The following CALN1 variants were observed in gnomAD, a reference collection of about 807,000 sequenced individuals.
The protein encoded by CALN1 is calcium-binding protein 8.
A neutral mutation model predicts 30.6 loss-of-function variants in CALN1; 17 were observed. The ratio of observed to expected loss-of-function variants is 0.56; its 90% CI spans 0.38 to 0.83. The LOEUF (loss-of-function observed/expected upper bound fraction) is 0.83. CALN1 is among the 40% of genes least tolerant of loss of function. The pLI, the probability that CALN1 is intolerant of heterozygous loss-of-function variation, is 0.00. For synonymous variants in CALN1, 156 were observed against 131.4 expected, an observed-to-expected ratio of 1.19 and a Z score of -1.28; for missense variants, 291 against 354.9, an observed-to-expected ratio of 0.82 and a Z score of 1.45.
intron 2 of CALN1, among the ~76,000 whole-genome samples, chr7:72,346,661 G>C (rs762915256): frequency 2.0e-5 from 3 of 151,990 alleles, no homozygotes; most frequent in Admixed American, 1.3e-4. Flanking sequence ...GGTTACAGGT[G>C]CCCACCACCA....
chr7:71,834,387 A>C lies in CALN1; in HGVS notation c.502-23895T>G, dbSNP rs112639940. On this transcript the variant is annotated intron_variant, in intron 5 of 6. Transcript: ENST00000395275. ...AAAAAAAAAAAAATCAGAAGACTTA[A>C]GTCAATTGAGCCCAGGCTGAGTGAA... 4.8e-3 allele frequency among the ~76,000 whole-genome samples: 715 copies of C among 150,440 alleles called. 8 individuals are homozygous for C. Among genetic ancestry groups the C allele is most frequent in the African/African-American group, 0.016 (634 of 40,552 alleles).
At chr7:72,355,476 G>T (rs1803170045) in intron 2 of CALN1, among the ~76,000 whole-genome samples, 1 of 151,998 alleles carries the variant, frequency 6.6e-6, no homozygotes, top group African/African-American at 2.4e-5. Flanking sequence ...CAGTGAGCCG[G>T]GATTACACCA....
intron 4 of CALN1, among the ~76,000 whole-genome samples, chr7:72,048,219 A>G (rs1376116967): frequency 6.6e-6 from 1 of 151,850 alleles, no homozygotes; most frequent in Non-Finnish European, 1.5e-5. Flanking sequence ...TTTGTATTTT[A>G]GTAGAGACCA....
chr7:72,043,368 C>G (rs1372216609), intron 4 of CALN1, among the ~76,000 whole-genome samples: 1 of 152,062 alleles, frequency 6.6e-6, no homozygotes. Flanking sequence ...GAACAACAAG[C>G]ACAAAGTTTG....
At chr7:72,420,050 C>T (rs1053002712) in intron 1 of CALN1, among the ~76,000 whole-genome samples, 1 of 152,174 alleles carries the variant, frequency 6.6e-6, no homozygotes, top group African/African-American at 2.4e-5. Context: ...AGACTGTCAC[C>T]CTGACCCTTC....
At chr7:72,491,111 G>T in the CALN1 span, among the ~76,000 whole-genome samples, 3 of 152,084 alleles carry the variant, frequency 2.0e-5, no homozygotes, top group Non-Finnish European at 2.9e-5. Context: ...AGGCGTGGTG[G>T]CAGGCGCCTG....
At chr7:71,866,182 T>C (rs1451967040) in intron 5 of CALN1, among the ~76,000 whole-genome samples, 1 of 151,792 alleles carries the variant, frequency 6.6e-6, no homozygotes, top group Non-Finnish European at 1.5e-5. Context: ...ATTTTTTTTG[T>C]ATTTTTAGTA....
intron 5 of CALN1, among the ~76,000 whole-genome samples, chr7:71,886,500 T>C (rs893991145): frequency 6.6e-6 from 1 of 152,164 alleles, no homozygotes; most frequent in African/African-American, 2.4e-5. Flanking sequence ...CGGCTGGGCA[T>C]GGTGGCTCAT....
intron 3 of CALN1, among the ~76,000 whole-genome samples, chr7:72,227,599 G>A (rs148921226): frequency 1.2e-3 from 174 of 150,758 alleles, no homozygotes; most frequent in Middle Eastern, 7.2e-3. Flanking sequence ...ATTGGGTTGT[G>A]GGGGGTGGGC....
intron 4 of CALN1, among the ~76,000 whole-genome samples, chr7:72,032,981 G>C (rs1801556757): frequency 6.6e-6 from 1 of 152,160 alleles, no homozygotes. Flanking sequence ...GGTCCTAAAT[G>C]CAAAAGCTTT....
chr7:71,887,644 T>C (rs531356264), intron 5 of CALN1, among the ~76,000 whole-genome samples: 1 of 151,790 alleles, frequency 6.6e-6, no homozygotes, highest in South Asian at 2.1e-4. Flanking sequence ...GTAGCAAACA[T>C]AGGGGGAGGG....
At chr7:72,409,498 T>A (rs984447968) in intron 1 of CALN1, among the ~76,000 whole-genome samples, 2 of 145,666 alleles carry the variant, frequency 1.4e-5, no homozygotes, top group Admixed American at 1.4e-4. Flanking sequence ...ATAGTCTGAG[T>A]GGACTGGCCA....
chr7:72,271,563 T>TAAAAAAAAAAAAAA (rs1426004146), intron 3 of CALN1, among the ~76,000 whole-genome samples: 2 of 76,310 alleles, frequency 2.6e-5, no homozygotes, highest in Admixed American at 1.4e-4. Flanking sequence ...TGCCTGCCTT[T>TAAAAAAAAAAAAAA]TAAAAAAAAA....
intron 2 of CALN1, 30 bp downstream of exon 2, chr7:72,403,221 G>C (rs1337371025): frequency 2.0e-6 from 3 of 1,526,606 alleles, no homozygotes; most frequent in Middle Eastern, 1.7e-4. Flanking sequence ...AAACAATCTA[G>C]GTCCTTGGGT....
intron 3 of CALN1, among the ~76,000 whole-genome samples, chr7:72,114,609 G>C (rs909183964): frequency 2.0e-5 from 3 of 152,098 alleles, no homozygotes; most frequent in Non-Finnish European, 2.9e-5. Flanking sequence ...CAACCTATCA[G>C]TCTGCAAATA....
chr7:72,081,728 G>T (rs1238283707), intron 4 of CALN1, among the ~76,000 whole-genome samples: 1 of 151,978 alleles, frequency 6.6e-6, no homozygotes, highest in South Asian at 2.1e-4. Flanking sequence ...AACCTACTGA[G>T]AACAGCCATT....
intron 3 of CALN1, among the ~76,000 whole-genome samples, chr7:72,207,752 A>G (rs1276218337): frequency 6.6e-6 from 1 of 152,212 alleles, no homozygotes; most frequent in African/African-American, 2.4e-5. Flanking sequence ...ATGTTTGTTA[A>G]GTGGATAATG....
At chr7:71,942,717 T>C (rs1037155487) in intron 5 of CALN1, among the ~76,000 whole-genome samples, 5 of 152,108 alleles carry the variant, frequency 3.3e-5, no homozygotes, top group African/African-American at 9.7e-5. Flanking sequence ...AAGCATAATG[T>C]AGAATGAAGA....
chr7:72,385,044 CAT>C (rs1469349806), intron 2 of CALN1, among the ~76,000 whole-genome samples: 3 of 152,052 alleles, frequency 2.0e-5, no homozygotes, highest in South Asian at 2.1e-4. Context: ...GGCAAGTAAA[CAT>C]ATGAAAAGAT....
Sources: gnomAD v4.1 joint callset for allele counts (sites outside exome capture counted in the v4.1 genomes callset) on GRCh38, gnomAD v4.1.1 for gene constraint, MANE v1.5 for transcripts, NCBI Gene and HGNC (gene_info 2026-07-23, HGNC 2026-07-21) for gene names.